The following CLSTN2 variants were observed in gnomAD, a reference collection of about 807,000 sequenced individuals.
CLSTN2 encodes the protein calsyntenin-2.
Under a neutral mutation model 101.2 loss-of-function variants are expected in CLSTN2, and 48 were observed. The ratio of observed to expected loss-of-function variants is 0.47; its 90% CI spans 0.38 to 0.60. The LOEUF is 0.60. CLSTN2 is among the 20% of genes least tolerant of loss of function. The pLI, the probability that CLSTN2 is intolerant of heterozygous loss-of-function variation, is 0.00. For synonymous variants in CLSTN2, 481 were observed against 463.6 expected (o/e 1.04, Z -0.48); for missense variants, 1,160 against 1,238.2 (o/e 0.94, Z 0.95).
At chr3:140,537,867 G>T (rs1023365007) in intron 9 of CLSTN2, among the ~76,000 whole-genome samples, 3 of 152,164 alleles carry the variant, frequency 2.0e-5, no homozygotes, top group African/African-American at 7.2e-5. Flanking sequence ...CTATAACCCA[G>T]CTGTGCAAGG....
At chr3:140,003,636 TC>T (rs1202389332) in intron 1 of CLSTN2, among the ~76,000 whole-genome samples, 10 of 152,290 alleles carry the variant, frequency 6.6e-5, no homozygotes, top group African/African-American at 1.9e-4. Context: ...TGTTTTTTTT[TC>T]CATTCAGTAT....
chr3:140,393,279 G>C (rs1033686741), intron 2 of CLSTN2, among the ~76,000 whole-genome samples: 1 of 152,172 alleles, frequency 6.6e-6, no homozygotes, highest in Non-Finnish European at 1.5e-5. Flanking sequence ...GGGAGAGAGA[G>C]ATTCCAAAGA....
chr3:140,058,755 G>A (rs919301192), intron 1 of CLSTN2, among the ~76,000 whole-genome samples: 1 of 150,734 alleles, frequency 6.6e-6, no homozygotes, highest in African/African-American at 2.5e-5. Flanking sequence ...AGGGTTAAAT[G>A]TCTAGACACT....
intron 1 of CLSTN2, among the ~76,000 whole-genome samples, chr3:140,063,253 A>G (rs948120342): frequency 2.6e-5 from 4 of 151,262 alleles, no homozygotes; most frequent in African/African-American, 9.9e-5. Flanking sequence ...AGTGTTTCCC[A>G]CCTAAATTTT....
intron 1 of CLSTN2, among the ~76,000 whole-genome samples, chr3:140,131,292 G>C (rs2009519442): frequency 9.1e-6 from 1 of 110,354 alleles, no homozygotes; most frequent in Admixed American, 1.2e-4. Flanking sequence ...TGCAAAGAAT[G>C]AGTTTCTTTA....
chr3:140,117,630 C>T (rs944532333), intron 1 of CLSTN2, among the ~76,000 whole-genome samples: 1 of 152,132 alleles, frequency 6.6e-6, no homozygotes, highest in Non-Finnish European at 1.5e-5. Flanking sequence ...GTTGTCTGCC[C>T]CTTTTCCTTT....
intron 2 of CLSTN2, among the ~76,000 whole-genome samples, chr3:140,371,100 A>G (rs2087851070): frequency 6.6e-6 from 1 of 152,168 alleles, no homozygotes; most frequent in Admixed American, 6.5e-5. Context: ...TCTCACTTCC[A>G]GAGGCAATGT....
chr3:140,560,907 T>C (rs2107793465), intron 12 of CLSTN2, among the ~76,000 whole-genome samples: 1 of 152,320 alleles, frequency 6.6e-6, no homozygotes, highest in South Asian at 2.1e-4. Context: ...CGTATGTTAT[T>C]GTGCTTTTAG....
intron 1 of CLSTN2, among the ~76,000 whole-genome samples, chr3:140,036,436 T>G (rs1459560147): frequency 6.6e-6 from 1 of 152,148 alleles, no homozygotes; most frequent in East Asian, 1.9e-4. Context: ...CCCTGAAGAA[T>G]CAGAGGGCAT....
chr3:140,390,088 C>CT (rs1263784573), intron 2 of CLSTN2, among the ~76,000 whole-genome samples: 3 of 13,622 alleles, frequency 2.2e-4, no homozygotes, highest in Non-Finnish European at 6.9e-4. Context: ...GGAAAGGTTT[C>CT]TTAAAAAAAA....
At chr3:140,326,506 A>G (rs550938550) in intron 2 of CLSTN2, among the ~76,000 whole-genome samples, 1 of 152,356 alleles carries the variant, frequency 6.6e-6, no homozygotes, top group Admixed American at 6.5e-5. Context: ...GGCATTTCCC[A>G]TCCATAATAC....
At chr3:140,426,994 G>A (rs1339038912) in intron 5 of CLSTN2, among the ~76,000 whole-genome samples, 9 of 151,520 alleles carry the variant, frequency 5.9e-5, no homozygotes, top group Non-Finnish European at 1.0e-4. Context: ...GGCCAACATG[G>A]CGAATCCCTG....
At chr3:140,453,639 A>G (rs1933307335) in intron 6 of CLSTN2, among the ~76,000 whole-genome samples, 1 of 152,192 alleles carries the variant, frequency 6.6e-6, no homozygotes, top group Non-Finnish European at 1.5e-5. Flanking sequence ...AAGAAGAGAT[A>G]AATATTTGAA....
At position 140,573,510 on chromosome 3, in the gene CLSTN2, T is replaced by C. The variant is rs935107009; in HGVS notation, c.*7257T>C. 8 of 152,328 alleles carry C rather than the reference T, an allele frequency of 5.3e-5. No homozygotes were observed. Among genetic ancestry groups the C allele is most frequent in the African/African-American group, 1.4e-4 (6 of 41,560 alleles). 9.4% of individuals were successfully genotyped at this position (152,328 alleles called of 1,614,324 possible). Reference sequence around the variant, plus strand: ...CCTTTCCCCTGAGGCCCAGCAACTATTGATTTATAGCTTAAACTCTGTGAA... The same window carrying C: ...CCTTTCCCCTGAGGCCCAGCAACTACTGATTTATAGCTTAAACTCTGTGAA... On this transcript the variant is annotated 3_prime_UTR_variant, in exon 17 of 17. Transcript: ENST00000458420.
In CLSTN2 at chr3:140,285,566, G is replaced by A. The variant is rs540769788; in HGVS notation, c.232+109493G>A. On this transcript the variant is annotated intron_variant, in intron 2 of 16. Transcript: ENST00000458420. Reference sequence around the variant, plus strand: ...AGCAACAGGTGTCACTAGAACAGTGGTTTTGAAATATGAGCCAGCACTGGG... The same window carrying A: ...AGCAACAGGTGTCACTAGAACAGTGATTTTGAAATATGAGCCAGCACTGGG... 3.3e-5 allele frequency among the ~76,000 whole-genome samples: 5 copies of A among 152,282 alleles called. No individual in the cohort carries two copies. The South Asian group carries it at 8.3e-4, about 25-fold the overall frequency.
At chr3:140,159,394 C>T (rs570176721) in intron 1 of CLSTN2, among the ~76,000 whole-genome samples, 2 of 152,150 alleles carry the variant, frequency 1.3e-5, no homozygotes, top group South Asian at 2.1e-4. Flanking sequence ...AGAAGATATA[C>T]AAGCAACCAA....
At chr3:140,245,799 T>C (rs2086510863) in intron 2 of CLSTN2, among the ~76,000 whole-genome samples, 1 of 152,232 alleles carries the variant, frequency 6.6e-6, no homozygotes, top group Admixed American at 6.5e-5. Context: ...GTGCCAGTCT[T>C]CCTGACTTCA....
At chr3:139,983,109 A>C (rs570908991) in intron 1 of CLSTN2, among the ~76,000 whole-genome samples, 6 of 146,538 alleles carry the variant, frequency 4.1e-5, no homozygotes, top group South Asian at 4.6e-4. Context: ...TTTCCTATGC[A>C]AGGTCTTCCT....
chr3:140,257,607 A>G (rs1479000108), intron 2 of CLSTN2, among the ~76,000 whole-genome samples: 9 of 147,304 alleles, frequency 6.1e-5, no homozygotes, highest in Admixed American at 4.8e-4. Context: ...TGTGTCTGCT[A>G]TGAGATCACA....
Sources: gnomAD v4.1 joint callset for allele counts (sites outside exome capture counted in the v4.1 genomes callset) on GRCh38, gnomAD v4.1.1 for gene constraint, MANE v1.5 for transcripts, NCBI Gene and HGNC (gene_info 2026-07-23, HGNC 2026-07-21) for gene names.